ERBB4: variants seen among roughly 807,000 people sequenced by gnomAD.
The protein encoded by ERBB4 is erb-b2 receptor tyrosine kinase 4, also known as receptor tyrosine-protein kinase erbB-4.
Under a neutral mutation model 158.0 loss-of-function variants are expected in ERBB4, and 42 were observed. The ratio of observed to expected loss-of-function variants is 0.27; its 90% CI spans 0.21 to 0.34. ERBB4 has a LOEUF of 0.34. Among genes scored for constraint, ERBB4 ranks in the 10% least tolerant of loss-of-function variants. The probability of loss-of-function intolerance (pLI) is 1.00; values close to 1 mark genes in which losing one functional copy is unlikely to be tolerated. For synonymous variants in ERBB4, 583 were observed against 558.7 expected, an observed-to-expected ratio of 1.04 and a Z score of -0.61; for missense variants, 1,333 against 1,624.1, an observed-to-expected ratio of 0.82 and a Z score of 3.08.
At chr2:212,204,433 C>G (rs2082676429) in intron 1 of ERBB4, among the ~76,000 whole-genome samples, 1 of 152,008 alleles carries the variant, frequency 6.6e-6, no homozygotes, top group Non-Finnish European at 1.5e-5. Context: ...CGCGGTGGCT[C>G]ACATTTGTAA....
At chr2:212,142,024 T>C (rs1462827072) in intron 1 of ERBB4, among the ~76,000 whole-genome samples, 5 of 152,136 alleles carry the variant, frequency 3.3e-5, no homozygotes, top group African/African-American at 9.6e-5. Context: ...TATCATCTCC[T>C]AGGATGTTTC....
intron 1 of ERBB4, among the ~76,000 whole-genome samples, chr2:212,374,016 A>G (rs71350763): frequency 2.0e-5 from 2 of 99,542 alleles, no homozygotes; most frequent in Non-Finnish European, 5.0e-5. Context: ...ATATCCATAT[A>G]TATCCATATA....
intron 1 of ERBB4, among the ~76,000 whole-genome samples, chr2:212,395,715 G>A (rs62186269): frequency 0.16 from 23,199 of 148,688 alleles, 2,549 homozygotes; most frequent in African/African-American, 0.32. Context: ...TGCCTCCCAG[G>A]TTCAAGCAAT....
intron 19 of ERBB4, among the ~76,000 whole-genome samples, chr2:211,566,510 C>G (rs1037197935): frequency 6.6e-6 from 1 of 152,162 alleles, no homozygotes; most frequent in Non-Finnish European, 1.5e-5. Context: ...TTTGCTTTCA[C>G]TTCTTGTGTA....
At chr2:211,708,492 T>A (rs577619506) in intron 9 of ERBB4, among the ~76,000 whole-genome samples, 2 of 152,260 alleles carry the variant, frequency 1.3e-5, no homozygotes, top group African/African-American at 4.8e-5. Context: ...AAAATTAATA[T>A]TTGTTGCACA....
At chr2:212,326,325 T>A (rs1012054736) in intron 1 of ERBB4, among the ~76,000 whole-genome samples, 1 of 150,740 alleles carries the variant, frequency 6.6e-6, no homozygotes. Flanking sequence ...TGAAATACAA[T>A]ACATTTTAAA....
chr2:211,864,063 G>A (rs1292504205), intron 3 of ERBB4, among the ~76,000 whole-genome samples: 1 of 152,160 alleles, frequency 6.6e-6, no homozygotes, highest in Non-Finnish European at 1.5e-5. Context: ...GCCTGCCTGT[G>A]TTCTCACAAG....
intron 19 of ERBB4, among the ~76,000 whole-genome samples, chr2:211,573,975 T>A (rs2067818069): frequency 2.0e-5 from 3 of 152,246 alleles, no homozygotes; most frequent in Admixed American, 6.5e-5. Flanking sequence ...TTAATTCATT[T>A]GGTAAGTAAC....
chr2:211,665,593 G>C, intron 14 of ERBB4, 116 bp from the exon 15 acceptor site: 1 of 935,774 alleles, frequency 1.1e-6, no homozygotes, highest in South Asian at 1.4e-5. Context: ...TCCTCTAAGA[G>C]AATTGGAGAA....
intron 1 of ERBB4, among the ~76,000 whole-genome samples, chr2:212,163,926 G>A (rs1284664156): frequency 6.6e-6 from 1 of 151,958 alleles, no homozygotes; most frequent in African/African-American, 2.4e-5. Flanking sequence ...CCAAGTAGCT[G>A]AGACTACAGG....
chr2:212,021,698 A>C (rs115641193), intron 2 of ERBB4, among the ~76,000 whole-genome samples: 12,239 of 152,196 alleles, frequency 0.08, 524 homozygotes, highest in South Asian at 0.12. Flanking sequence ...AAAGCAATTG[A>C]GACAAAAGAA....
At chr2:211,999,763 C>CT (rs1220032815) in intron 2 of ERBB4, among the ~76,000 whole-genome samples, 2 of 151,446 alleles carry the variant, frequency 1.3e-5, no homozygotes, top group African/African-American at 2.4e-5. Context: ...GATTGATTTC[C>CT]TTTTTTTCAA....
chr2:212,006,329 A>C (rs942144085), intron 2 of ERBB4, among the ~76,000 whole-genome samples: 3 of 152,124 alleles, frequency 2.0e-5, no homozygotes, highest in African/African-American at 7.2e-5. Context: ...TATATATGAA[A>C]GGTTTTTACA....
At chr2:211,653,782 C>A (rs1003124127) in intron 16 of ERBB4, among the ~76,000 whole-genome samples, 9 of 152,070 alleles carry the variant, frequency 5.9e-5, no homozygotes, top group African/African-American at 2.2e-4. Context: ...TCAAGAGATT[C>A]TCCTGCCTCA....
chr2:212,219,527 T>C (rs529802245), intron 1 of ERBB4, among the ~76,000 whole-genome samples: 4 of 151,498 alleles, frequency 2.6e-5, no homozygotes, highest in African/African-American at 9.6e-5. Context: ...AACAGTCCAA[T>C]TTTTGGTCAC....
chr2:211,990,813 G>C, intron 2 of ERBB4, among the ~76,000 whole-genome samples: 1 of 151,794 alleles, frequency 6.6e-6, no homozygotes, highest in East Asian at 1.9e-4. Flanking sequence ...ATAAAAATGA[G>C]ACAGTGACTC....
intron 19 of ERBB4, among the ~76,000 whole-genome samples, chr2:211,585,578 A>C (rs930208480): frequency 9.2e-5 from 14 of 152,274 alleles, no homozygotes; most frequent in African/African-American, 3.4e-4. Context: ...AAATTAAATC[A>C]GTTTATTAAC....
intron 7 of ERBB4, among the ~76,000 whole-genome samples, chr2:211,717,690 G>C (rs887500986): frequency 1.3e-5 from 1 of 78,074 alleles, no homozygotes; most frequent in East Asian, 2.6e-4. Context: ...TTAGCTGGGC[G>C]TGGTGGATGT....
chr2:212,082,634 C>T (rs1187107195), intron 2 of ERBB4, among the ~76,000 whole-genome samples: 3 of 151,932 alleles, frequency 2.0e-5, no homozygotes, highest in Admixed American at 2.0e-4. Flanking sequence ...GTATGACACT[C>T]AGTCTTAAAA....
Sources: gnomAD v4.1 joint callset for allele counts (sites outside exome capture counted in the v4.1 genomes callset) on GRCh38, gnomAD v4.1.1 for gene constraint, MANE v1.5 for transcripts, NCBI Gene and HGNC (gene_info 2026-07-23, HGNC 2026-07-21) for gene names.